The following NTRK3 variants were observed in gnomAD, a reference collection of about 807,000 sequenced individuals.
NTRK3 encodes neurotrophic receptor tyrosine kinase 3, also known as NT-3 growth factor receptor.
NTRK3 carries 24 observed loss-of-function variants against 91.7 expected under a neutral mutation model. The observed-to-expected ratio is 0.26, with a 90% CI of 0.19 to 0.37. The LOEUF is 0.37. Ranked by LOEUF, NTRK3 falls within the 10% of genes least tolerant of loss-of-function variation. The pLI is 1.00. For synonymous variants in NTRK3, 483 were observed against 404.0 expected, an observed-to-expected ratio of 1.20 and a Z score of -2.34; for missense variants, 880 against 1,068.9, an observed-to-expected ratio of 0.82 and a Z score of 2.46.
At chr15:87,912,931 A>AATATATATATATAT (rs58367924) in intron 17 of NTRK3, among the ~76,000 whole-genome samples, 367 of 36,042 alleles carry the variant, frequency 0.01, 18 homozygotes, top group South Asian at 0.012. Context: ...AGTAAAAAAA[A>AATATATATATATAT]ATATATATAT....
At chr15:87,932,851 G>T (rs944641761) in intron 16 of NTRK3, among the ~76,000 whole-genome samples, 161 bp downstream of exon 16, 1 of 152,128 alleles carries the variant, frequency 6.6e-6, no homozygotes, top group Non-Finnish European at 1.5e-5. Context: ...GCCTGAATCT[G>T]GCTGCTAAGG....
chr15:88,141,505 T>C (rs919278916), intron 6 of NTRK3, among the ~76,000 whole-genome samples: 6 of 152,192 alleles, frequency 3.9e-5, no homozygotes, highest in Non-Finnish European at 7.3e-5. Flanking sequence ...AGGGTCCAGA[T>C]GCTTGAATAT....
At chr15:88,047,848 T>TA (rs746430263) in intron 13 of NTRK3, among the ~76,000 whole-genome samples, 12 of 152,284 alleles carry the variant, frequency 7.9e-5, no homozygotes, top group Non-Finnish European at 1.3e-4. Flanking sequence ...AAAAGTAACT[T>TA]AGGCCTCCTG....
chr15:87,991,469 C>T (rs538476877), intron 14 of NTRK3, among the ~76,000 whole-genome samples: 41 of 152,302 alleles, frequency 2.7e-4, no homozygotes, highest in African/African-American at 3.8e-4. Flanking sequence ...ATCTCCTGTG[C>T]GGTGACTTCT....
At chr15:88,150,177 A>G (rs761173222) in intron 5 of NTRK3, among the ~76,000 whole-genome samples, 8 of 152,178 alleles carry the variant, frequency 5.3e-5, no homozygotes, top group Non-Finnish European at 1.0e-4. Flanking sequence ...GGTGGGAACT[A>G]GCAGGCCAGG....
intron 17 of NTRK3, among the ~76,000 whole-genome samples, chr15:87,922,965 G>C (rs947277892): frequency 6.6e-6 from 1 of 152,156 alleles, no homozygotes; most frequent in African/African-American, 2.4e-5. Flanking sequence ...GTGGGACCAA[G>C]CTCTTCCATT....
At chr15:87,972,441 C>A (rs2073336163) in intron 14 of NTRK3, among the ~76,000 whole-genome samples, 1 of 152,126 alleles carries the variant, frequency 6.6e-6, no homozygotes, top group Non-Finnish European at 1.5e-5. Flanking sequence ...CTCTGCAAAC[C>A]CTCTCCATAG....
At chr15:87,963,611 C>T (rs1299544920) in intron 14 of NTRK3, among the ~76,000 whole-genome samples, 1 of 152,200 alleles carries the variant, frequency 6.6e-6, no homozygotes, top group African/African-American at 2.4e-5. Flanking sequence ...TTTTGCCCAA[C>T]TGTAGGCTAA....
At chr15:87,880,238 C>T (rs1282238718) in intron 18 of NTRK3, 32 bp downstream of exon 19, 4 of 1,613,578 alleles carry the variant, frequency 2.5e-6, no homozygotes, top group African/African-American at 1.3e-5. Context: ...GAGCCCTCCC[C>T]CAATCAAGAT....
chr15:87,944,663 C>A (rs2070257003), intron 14 of NTRK3, among the ~76,000 whole-genome samples: 1 of 152,230 alleles, frequency 6.6e-6, no homozygotes, highest in Non-Finnish European at 1.5e-5. Flanking sequence ...GCTTAACCCT[C>A]CATCTTCCAC....
At chr15:88,174,527 C>A (rs1010239240) in intron 5 of NTRK3, among the ~76,000 whole-genome samples, 1 of 152,140 alleles carries the variant, frequency 6.6e-6, no homozygotes, top group Non-Finnish European at 1.5e-5. Flanking sequence ...AATCCTATTC[C>A]GTGGACAAAT....
In NTRK3 at chr15:88,094,142, A is replaced by C. The variant is rs572761713; in HGVS notation, c.1396+32129T>G. 3.3e-5 allele frequency among the ~76,000 whole-genome samples: 5 copies of C among 152,206 alleles called. No individual in the cohort carries two copies. The East Asian group carries it at 9.7e-4, about 30-fold the overall frequency. The stretch of plus-strand genomic sequence containing the variant: ...GGGCTCTTCTTGCTGCAGCCTTTGG[A>C]AGAAGTGGGCTGCAGGAAGGGGCTT... On this transcript the variant is annotated intron_variant, in intron 13 of 18. Coordinates refer to ENST00000394480, the Ensembl canonical transcript of NTRK3.
intron 17 of NTRK3, among the ~76,000 whole-genome samples, chr15:87,911,224 G>C (rs1341053011): frequency 2.6e-5 from 4 of 152,020 alleles, no homozygotes; most frequent in African/African-American, 9.7e-5. Context: ...TAGATATGCA[G>C]AGGGTGAATT....
At chr15:88,187,432 T>C (rs1015864108) in intron 3 of NTRK3, among the ~76,000 whole-genome samples, 1 of 152,154 alleles carries the variant, frequency 6.6e-6, no homozygotes, top group African/African-American at 2.4e-5. Context: ...GAGGTCAGTG[T>C]TGTGACTCTG....
intron 3 of NTRK3, among the ~76,000 whole-genome samples, chr15:88,212,301 C>T (rs538505615): frequency 2.6e-5 from 4 of 152,086 alleles, no homozygotes; most frequent in African/African-American, 4.8e-5. Flanking sequence ...ACCTGGGAGG[C>T]GGAGCTTGCA....
exon 10 of NTRK3, chr15:88,135,183 G>C: frequency 6.2e-7 from 1 of 1,614,232 alleles, no homozygotes; most frequent in Non-Finnish European, 8.5e-7. Context: ...GGGTATAGTT[G>C]CCATTGTTGT....
chr15:88,228,753 A>G (rs916712107), intron 3 of NTRK3, among the ~76,000 whole-genome samples: 10 of 152,198 alleles, frequency 6.6e-5, no homozygotes, highest in African/African-American at 2.4e-4. Flanking sequence ...GAGGTCTGCA[A>G]GCCAACAAGC....
intron 17 of NTRK3, among the ~76,000 whole-genome samples, chr15:87,892,824 G>C (rs1384456975): frequency 6.6e-6 from 1 of 152,076 alleles, no homozygotes; most frequent in African/African-American, 2.4e-5. Flanking sequence ...AAATTCAGTG[G>C]GGTAACTGCA....
intron 14 of NTRK3, among the ~76,000 whole-genome samples, chr15:87,954,058 G>A (rs2071423822): frequency 9.7e-6 from 1 of 102,702 alleles, no homozygotes; most frequent in Non-Finnish European, 2.2e-5. Flanking sequence ...GTGTGTGTGT[G>A]TATGCTTTTT....
Sources: gnomAD v4.1 joint callset for allele counts (sites outside exome capture counted in the v4.1 genomes callset) on GRCh38, gnomAD v4.1.1 for gene constraint, MANE v1.5 for transcripts, NCBI Gene and HGNC (gene_info 2026-07-23, HGNC 2026-07-21) for gene names.